The following GRHL2 variants were observed in gnomAD, a reference collection of about 807,000 sequenced individuals.
GRHL2 encodes grainyhead like transcription factor 2, also known as grainyhead-like protein 2 homolog.
A neutral mutation model predicts 83.8 loss-of-function variants in GRHL2; 21 were observed. The ratio of observed to expected loss-of-function variants is 0.25; its 90% CI spans 0.18 to 0.36. The LOEUF is 0.36. Among genes scored for constraint, GRHL2 ranks in the 10% least tolerant of loss-of-function variants. GRHL2 has a pLI of 1.00. For synonymous variants in GRHL2, 280 were observed against 278.9 expected (o/e 1.00, Z -0.04); for missense variants, 623 against 781.8 (o/e 0.80, Z 2.42).
intron 8 of GRHL2, among the ~76,000 whole-genome samples, chr8:101,612,528 C>G (rs60838074): frequency 0.026 from 1,852 of 70,270 alleles, 52 homozygotes; most frequent in East Asian, 0.074. Context: ...TAGATACATA[C>G]ATACATACAT....
intron 1 of GRHL2, among the ~76,000 whole-genome samples, chr8:101,531,187 C>A (rs369987536): frequency 6.7e-6 from 1 of 149,634 alleles, no homozygotes; most frequent in Admixed American, 6.7e-5. Context: ...ACTCCTCTAG[C>A]CTTCTAGCCT....
Position 101,492,602 on chromosome 8 carries a change from GGCGA to G in GRHL2, c.-158_-155del. ...TTCCGGCTAGGTGAGGGCGCGAGCGGGCGAGCGAGCGAGAGTGGTGAGGGGGGAC... is the reference window on the plus strand; with the variant it reads ...TTCCGGCTAGGTGAGGGCGCGAGCGGGCGAGCGAGAGTGGTGAGGGGGGAC... On this transcript the variant is annotated 5_prime_UTR_variant, in exon 1 of 16. Coordinates refer to ENST00000646743, the MANE Select transcript of GRHL2 (RefSeq NM_024915.4). 5.5e-6 allele frequency: 4 copies of G among 724,836 alleles called. No individual in the cohort carries two copies. The Admixed American group carries it at 6.0e-5, about 11-fold the overall frequency. The allele number at this position is 724,836 out of a possible 1,614,324, so 44.9% of individuals were successfully genotyped here.
At chr8:101,612,629 C>T (rs1201069055) in intron 8 of GRHL2, among the ~76,000 whole-genome samples, 1 of 150,904 alleles carries the variant, frequency 6.6e-6, no homozygotes, top group Admixed American at 6.6e-5. Flanking sequence ...TAGATAACAT[C>T]CAGTCAGAGC....
chr8:101,664,871 T>C (rs2129770325), intron 15 of GRHL2, among the ~76,000 whole-genome samples: 1 of 152,050 alleles, frequency 6.6e-6, no homozygotes, highest in South Asian at 2.1e-4. Flanking sequence ...TGGGGTTGGT[T>C]TCTGGGTGGC....
chr8:101,658,931 T>A (rs1486600130), intron 14 of GRHL2, among the ~76,000 whole-genome samples: 1 of 152,204 alleles, frequency 6.6e-6, no homozygotes. Flanking sequence ...GAAAAATGTT[T>A]ATCGGGGTGC....
chr8:101,664,343 A>G (rs1197058899), intron 14 of GRHL2, 111 bp from the exon 15 acceptor site: 1 of 767,022 alleles, frequency 1.3e-6, no homozygotes, highest in Non-Finnish European at 2.3e-6. Context: ...ATGAGTGAAG[A>G]GCACTCTATC....
intron 2 of GRHL2, 143 bp from the exon 3 acceptor site, chr8:101,552,572 A>G (rs970483279): frequency 6.7e-6 from 5 of 741,252 alleles, no homozygotes; most frequent in East Asian, 2.7e-5. Flanking sequence ...ACTAGCCTTT[A>G]TCATCTCCTG....
At chr8:101,518,254 C>G (rs1810611792) in intron 1 of GRHL2, among the ~76,000 whole-genome samples, 1 of 152,038 alleles carries the variant, frequency 6.6e-6, no homozygotes, top group Non-Finnish European at 1.5e-5. Flanking sequence ...ACAAAAAATG[C>G]AAAAAATTAG....
intron 15 of GRHL2, among the ~76,000 whole-genome samples, chr8:101,665,903 T>C (rs1328975038): frequency 2.0e-5 from 3 of 152,198 alleles, no homozygotes; most frequent in Non-Finnish European, 2.9e-5. Context: ...AGCTGTTGGC[T>C]TTCTTAAAAC....
intron 1 of GRHL2, chr8:101,529,107 T>C: frequency 2.6e-6 from 1 of 378,802 alleles, no homozygotes; most frequent in South Asian, 2.1e-5. Context: ...TGGGGCTTTG[T>C]TTCTTCTTCC....
chr8:101,542,869 A>T (rs929853585), intron 1 of GRHL2: 9 of 458,692 alleles, frequency 2.0e-5, no homozygotes, highest in Non-Finnish European at 3.9e-5. Flanking sequence ...CACTCCTTTG[A>T]TAATGGCATT....
intron 7 of GRHL2, among the ~76,000 whole-genome samples, chr8:101,590,981 C>T (rs935910724): frequency 5.3e-5 from 8 of 152,106 alleles, no homozygotes; most frequent in African/African-American, 4.8e-5. Flanking sequence ...ATTTACCAAG[C>T]GTGTGAAGCT....
intron 14 of GRHL2, among the ~76,000 whole-genome samples, chr8:101,658,013 G>C (rs1363893857): frequency 6.6e-6 from 1 of 152,158 alleles, no homozygotes; most frequent in Non-Finnish European, 1.5e-5. Flanking sequence ...TGCCACCCCT[G>C]ACAGACAGCC....
chr8:101,512,214 G>C (rs2130012081), intron 1 of GRHL2, among the ~76,000 whole-genome samples: 1 of 151,972 alleles, frequency 6.6e-6, no homozygotes, highest in Middle Eastern at 3.4e-3. Flanking sequence ...TGATTTGAGA[G>C]TGAGGAGAAG....
At chr8:101,586,856 C>T (rs938259616) in intron 7 of GRHL2, among the ~76,000 whole-genome samples, 1 of 152,160 alleles carries the variant, frequency 6.6e-6, no homozygotes, top group Non-Finnish European at 1.5e-5. Context: ...AGAATCATTT[C>T]TGGTAGTATT....
chr8:101,678,597 G>C, the GRHL2 span, among the ~76,000 whole-genome samples: 1 of 151,684 alleles, frequency 6.6e-6, no homozygotes, highest in Admixed American at 6.6e-5. Context: ...AAGGAGGCCT[G>C]CCTGCCTCTG....
At chr8:101,675,341 G>A in the GRHL2 span, among the ~76,000 whole-genome samples, 1 of 152,090 alleles carries the variant, frequency 6.6e-6, no homozygotes, top group Non-Finnish European at 1.5e-5. Flanking sequence ...TCCTAAAGCT[G>A]ATGAGCAACC....
chr8:101,513,898 A>G (rs1002902432), intron 1 of GRHL2, among the ~76,000 whole-genome samples: 7 of 152,186 alleles, frequency 4.6e-5, no homozygotes, highest in African/African-American at 1.7e-4. Context: ...TGTTGAAATT[A>G]TCTATTCCTT....
In GRHL2 at chr8:101,557,735, T is replaced by C. The variant is rs188776143; in HGVS notation, c.285-684T>C. Among the ~76,000 whole-genome samples, 9 of 152,342 alleles carry C rather than the reference T, an allele frequency of 5.9e-5. No homozygotes were observed. In the South Asian group the frequency reaches 8.3e-4, roughly 14 times the overall value. On this transcript the variant is annotated intron_variant, in intron 3 of 15. Coordinates refer to ENST00000646743, the MANE Select transcript of GRHL2 (RefSeq NM_024915.4). The stretch of plus-strand genomic sequence containing the variant: ...CATGCCTTTGACTTGTTGACAAATT[T>C]AGGTCAGTAGGATGTGCTGCATTCT...
Sources: gnomAD v4.1 joint callset for allele counts (sites outside exome capture counted in the v4.1 genomes callset) on GRCh38, gnomAD v4.1.1 for gene constraint, MANE v1.5 for transcripts, NCBI Gene and HGNC (gene_info 2026-07-23, HGNC 2026-07-21) for gene names.